The following SGCE variants were observed in gnomAD, a reference collection of about 807,000 sequenced individuals.
SGCE encodes epsilon-sarcoglycan.
Under a neutral mutation model 57.8 loss-of-function variants are expected in SGCE, and 26 were observed. The observed-to-expected ratio is 0.45, with a 90% CI of 0.33 to 0.62. The LOEUF (loss-of-function observed/expected upper bound fraction) is 0.62, where lower values mean the gene tolerates loss of function less well. Ranked by LOEUF, SGCE falls within the 20% of genes least tolerant of loss-of-function variation. The pLI is 0.02. For synonymous variants in SGCE, 183 were observed against 189.5 expected, an observed-to-expected ratio of 0.97 and a Z score of 0.28; for missense variants, 468 against 548.6, an observed-to-expected ratio of 0.85 and a Z score of 1.47.
chr7:94,603,264 C>G, intron 6 of SGCE, 26 bp downstream of exon 6: 1 of 1,592,020 alleles, frequency 6.3e-7, no homozygotes, highest in Non-Finnish European at 8.6e-7. Flanking sequence ...TTTAACTAAA[C>G]TTGCAAAAAC....
chr7:94,606,445 A>G (rs572807188), intron 5 of SGCE, among the ~76,000 whole-genome samples: 28 of 152,338 alleles, frequency 1.8e-4, no homozygotes, highest in African/African-American at 6.0e-4. Flanking sequence ...CTTAATGTGT[A>G]TATGCCTCAT....
At chr7:94,588,159 T>C in intron 10 of SGCE, 1 of 1,112,932 alleles carries the variant, frequency 9.0e-7, no homozygotes, top group African/African-American at 1.6e-5. Context: ...AAGCAAGTCT[T>C]AGGGAAATAG....
At chr7:94,623,213 GTTATA>G (rs1487802597) in intron 4 of SGCE, 107 bp downstream of exon 4, 3 of 630,876 alleles carry the variant, frequency 4.8e-6, no homozygotes, top group Admixed American at 3.0e-5. Context: ...TATTTCATCA[GTTATA>G]TTAGGTATGT....
In SGCE at chr7:94,651,932, T is replaced by TA. The variant is rs759927985; in HGVS notation, c.109+4057_109+4058insT. Among the ~76,000 whole-genome samples the TA allele has an allele frequency of 9.1e-3, 1,082 of 118,556 alleles. 5 individuals are homozygous for TA. The highest frequency in any genetic ancestry group is 0.015 in the Non-Finnish European group (813 of 52,654). 77.8% of individuals were successfully genotyped at this position (118,556 alleles called of 152,430 possible). A position where few individuals can be genotyped will look rare whatever the true frequency, so the allele number is the denominator to read the frequency against. The stretch of plus-strand genomic sequence containing the variant: ...CCTAGAAACATTGGCTTTTTCTTCT[T>TA]TATTATTTTTTTTTTTTGTTTCTCG... On this transcript the variant is annotated intron_variant, in intron 1 of 10. Coordinates refer to ENST00000648936, the MANE Select transcript of SGCE (RefSeq NM_003919.3).
In SGCE at chr7:94,585,529, G is replaced by T. The variant is rs1796773803; in HGVS notation, c.1298-14C>A. ...GATACCATTTACCTGCAATGTGTAA[G>T]AATGAATATGGGCAGGAGTTAGTCA... On this transcript the variant is annotated splice_polypyrimidine_tract_variant and intron_variant, in intron 10 of 10. Coordinates refer to ENST00000648936, the MANE Select transcript of SGCE (RefSeq NM_003919.3). The T allele has an allele frequency of 1.3e-6, 2 of 1,588,484 alleles. No homozygotes were observed. The highest frequency in any genetic ancestry group is 1.7e-6 in the Non-Finnish European group (2 of 1,156,756).
chr7:94,594,820 T>G (rs1255761306), intron 9 of SGCE, among the ~76,000 whole-genome samples: 7 of 152,146 alleles, frequency 4.6e-5, no homozygotes, highest in Non-Finnish European at 2.9e-5. Context: ...GGCCTTACAT[T>G]TCTAGACTAT....
rs1804403220 is a variant in SGCE at position 94,629,857 on chromosome 7, AAAGAT to A, written c.110-21_110-17del. ...ATACTGTACACTGAAAACAAAGAGG[AAAGAT>A]AAGTGACAGAAAGACAAATAATGAG... On this transcript the variant is annotated splice_polypyrimidine_tract_variant and intron_variant, in intron 1 of 10. Transcript: ENST00000648936. 1 of 1,609,898 alleles carries A rather than the reference AAAGAT, an allele frequency of 6.2e-7. No individual in the cohort carries two copies. The highest frequency in any genetic ancestry group is 1.3e-5 in the African/African-American group (1 of 74,750).
intron 9 of SGCE, among the ~76,000 whole-genome samples, chr7:94,593,158 T>C (rs1334875398): frequency 6.6e-6 from 1 of 152,170 alleles, no homozygotes; most frequent in Non-Finnish European, 1.5e-5. Context: ...CTAAAATGAT[T>C]AGATACTGTC....
chr7:94,613,818 T>G (rs1253212005), intron 5 of SGCE, among the ~76,000 whole-genome samples: 5 of 152,146 alleles, frequency 3.3e-5, no homozygotes, highest in African/African-American at 1.2e-4. Context: ...ATGTTACATG[T>G]TGCCTGGGAA....
At chr7:94,638,263 C>T (rs934796360) in intron 1 of SGCE, among the ~76,000 whole-genome samples, 2 of 152,128 alleles carry the variant, frequency 1.3e-5, no homozygotes, top group Non-Finnish European at 2.9e-5. Context: ...TAGAAATACA[C>T]AGGTATTTGT....
intron 6 of SGCE, 122 bp from the exon 7 acceptor site, chr7:94,600,979 CT>C: frequency 1.3e-6 from 1 of 797,330 alleles, no homozygotes; most frequent in Non-Finnish European, 2.1e-6. Flanking sequence ...TTTCCAATTA[CT>C]TTATCACCTC....
chr7:94,634,060 A>T (rs1250142642), intron 1 of SGCE, among the ~76,000 whole-genome samples: 1 of 152,176 alleles, frequency 6.6e-6, no homozygotes, highest in Non-Finnish European at 1.5e-5. Flanking sequence ...CTTTGAGAAG[A>T]AAGTCATAAA....
intron 5 of SGCE, among the ~76,000 whole-genome samples, chr7:94,608,369 T>C (rs887117410): frequency 6.6e-6 from 1 of 151,918 alleles, no homozygotes; most frequent in South Asian, 2.1e-4. Flanking sequence ...TCTAATAAAA[T>C]AGGTACAAGA....
intron 9 of SGCE, 110 bp downstream of exon 9, chr7:94,598,665 C>A: frequency 1.2e-6 from 1 of 827,434 alleles, no homozygotes; most frequent in Non-Finnish European, 2.1e-6. Context: ...TTGTTATTTT[C>A]TCTTCCAGTT....
intron 1 of SGCE, among the ~76,000 whole-genome samples, chr7:94,647,307 C>T (rs1807242693): frequency 2.0e-5 from 3 of 152,152 alleles, no homozygotes; most frequent in African/African-American, 7.2e-5. Flanking sequence ...AAATCTCCTC[C>T]CGACAAACTT....
chr7:94,649,612 C>T (rs909662775), intron 1 of SGCE, among the ~76,000 whole-genome samples: 3 of 152,184 alleles, frequency 2.0e-5, no homozygotes, highest in Non-Finnish European at 4.4e-5. Context: ...AACAGGGATG[C>T]AAGCCATCTC....
intron 9 of SGCE, among the ~76,000 whole-genome samples, chr7:94,595,982 T>A (rs1340221753): frequency 1.3e-5 from 2 of 152,172 alleles, no homozygotes; most frequent in Non-Finnish European, 2.9e-5. Context: ...ATTGTGAACA[T>A]CATCAATTAT....
At chr7:94,632,841 T>C (rs1159272055) in intron 1 of SGCE, among the ~76,000 whole-genome samples, 1 of 152,064 alleles carries the variant, frequency 6.6e-6, no homozygotes, top group East Asian at 1.9e-4. Context: ...CTATAGGTTC[T>C]TGTTCTAAAC....
chr7:94,600,822 T>A lies in SGCE; in HGVS notation c.861A>T (p.Glu287Asp). Residue 287 changes from glutamate (E) to aspartate (D), a missense_variant, in exon 7 of 11, where the codon GAA becomes GAT. Transcript: ENST00000648936. Reference sequence around the variant, plus strand: ...GTAAAATCCCCTCTCCACGAATCACTTCCTGATAGGTGGACACTTGCTTTG... The same window carrying A: ...GTAAAATCCCCTCTCCACGAATCACATCCTGATAGGTGGACACTTGCTTTG... ...DKTKQVSTYQ[E>D]VIRGEGILPD... 6.2e-7 allele frequency: 1 copy of A among 1,612,560 alleles called. No individual in the cohort carries two copies. Among genetic ancestry groups the A allele is most frequent in the Non-Finnish European group, 8.5e-7 (1 of 1,179,508 alleles).
Sources: gnomAD v4.1 joint callset for allele counts (sites outside exome capture counted in the v4.1 genomes callset) on GRCh38, gnomAD v4.1.1 for gene constraint, MANE v1.5 for transcripts, NCBI Gene and HGNC (gene_info 2026-07-23, HGNC 2026-07-21) for gene names.